PTPRM: variants seen among roughly 807,000 people sequenced by gnomAD.
PTPRM encodes receptor-type tyrosine-protein phosphatase mu.
In PTPRM, 47 loss-of-function variants were observed where a neutral mutation model predicts 186.7. The observed-to-expected ratio is 0.25, with a 90% CI of 0.20 to 0.32. The LOEUF is 0.32. PTPRM is among the 10% of genes least tolerant of loss of function. The probability of loss-of-function intolerance (pLI) is 1.00; values close to 1 mark genes in which losing one functional copy is unlikely to be tolerated. For synonymous variants in PTPRM, 668 were observed against 674.9 expected (o/e 0.99, Z 0.16); for missense variants, 1,494 against 1,865.0 (o/e 0.80, Z 3.66).
At chr18:8,114,734 CTATT>C in intron 12 of PTPRM, 53 bp from the exon 13 acceptor site, 2 of 1,378,064 alleles carry the variant, frequency 1.5e-6, no homozygotes, top group Non-Finnish European at 2.0e-6. Context: ...ACAGATATTT[CTATT>C]TGTCTTAAAG....
At chr18:8,400,768 A>G (rs547446846) in intron 32 of PTPRM, among the ~76,000 whole-genome samples, 1 of 152,282 alleles carries the variant, frequency 6.6e-6, no homozygotes, top group East Asian at 1.9e-4. Flanking sequence ...ACAAAATGCA[A>G]TGTGGTGTGG....
chr18:8,313,743 TCTC>T (rs574930719), intron 20 of PTPRM, among the ~76,000 whole-genome samples: 1 of 152,156 alleles, frequency 6.6e-6, no homozygotes, highest in South Asian at 2.1e-4. Context: ...CTTACCCCCT[TCTC>T]CCCCTTTCCC....
At chr18:8,204,862 G>T (rs2093906719) in intron 14 of PTPRM, among the ~76,000 whole-genome samples, 2 of 152,134 alleles carry the variant, frequency 1.3e-5, no homozygotes, top group African/African-American at 4.8e-5. Flanking sequence ...TCTCTAGTAT[G>T]TCAGGGTTTG....
At chr18:8,159,775 A>G (rs1317384075) in intron 14 of PTPRM, among the ~76,000 whole-genome samples, 2 of 152,232 alleles carry the variant, frequency 1.3e-5, no homozygotes, top group African/African-American at 4.8e-5. Context: ...CATAGAAGAC[A>G]TGGAGTATAC....
chr18:8,307,916 AG>A (rs765102526), intron 20 of PTPRM, among the ~76,000 whole-genome samples: 3 of 152,238 alleles, frequency 2.0e-5, no homozygotes, highest in Non-Finnish European at 2.9e-5. Context: ...GCCTAGCAAA[AG>A]AATTCACAGG....
intron 1 of PTPRM, among the ~76,000 whole-genome samples, chr18:7,736,879 A>G (rs571367486): frequency 5.3e-5 from 8 of 152,256 alleles, no homozygotes; most frequent in Admixed American, 3.3e-4. Flanking sequence ...GTTTTTTCTT[A>G]AAACAGGTAC....
At chr18:7,655,951 G>A (rs1339731197) in intron 1 of PTPRM, among the ~76,000 whole-genome samples, 1 of 152,142 alleles carries the variant, frequency 6.6e-6, no homozygotes, top group African/African-American at 2.4e-5. Flanking sequence ...TGCAGAGAAA[G>A]CAGAACCCTT....
At chr18:8,150,033 C>T (rs939314540) in intron 14 of PTPRM, among the ~76,000 whole-genome samples, 2 of 152,208 alleles carry the variant, frequency 1.3e-5, no homozygotes, top group Non-Finnish European at 2.9e-5. Context: ...GTCTGAGGGG[C>T]TTCCCTTGTG....
At position 8,277,564 on chromosome 18, in the gene PTPRM, G is replaced by T. The variant is rs184575299; in HGVS notation, c.2755-18804G>T. Among the ~76,000 whole-genome samples, 11 of 152,358 alleles carry T rather than the reference G, an allele frequency of 7.2e-5. No homozygotes were observed. The East Asian group carries it at 1.9e-3, about 27-fold the overall frequency. On this transcript the variant is annotated intron_variant, in intron 19 of 32. Coordinates refer to ENST00000580170, the MANE Select transcript of PTPRM (RefSeq NM_001105244.2). ...AAAGGAGCAGTGGAGAAGAGATACT[G>T]AAATTCTTTGTCAATGGTTGATATA... is the stretch of plus-strand genomic sequence containing the variant.
chr18:7,692,464 G>C (rs75547147), intron 1 of PTPRM, among the ~76,000 whole-genome samples: 2,965 of 152,292 alleles, frequency 0.019, 43 homozygotes, highest in Non-Finnish European at 0.029. Flanking sequence ...CTGGGTGACA[G>C]TATGAAACCT....
chr18:8,029,446 C>T (rs2085808433), intron 7 of PTPRM, among the ~76,000 whole-genome samples: 1 of 152,114 alleles, frequency 6.6e-6, no homozygotes, highest in Non-Finnish European at 1.5e-5. Flanking sequence ...CCACACCTGT[C>T]CTGCCTGGAG....
chr18:7,885,379 C>G (rs888656555), intron 2 of PTPRM, among the ~76,000 whole-genome samples: 1 of 152,122 alleles, frequency 6.6e-6, no homozygotes, highest in Non-Finnish European at 1.5e-5. Flanking sequence ...AACCACCAAA[C>G]CCCCCTTCTT....
chr18:8,024,834 C>G (rs904544736), intron 7 of PTPRM, among the ~76,000 whole-genome samples: 3 of 151,902 alleles, frequency 2.0e-5, no homozygotes, highest in Non-Finnish European at 4.4e-5. Flanking sequence ...CAGATGCATG[C>G]CACCACTTCT....
chr18:8,244,495 T>C (rs763785029), intron 15 of PTPRM, among the ~76,000 whole-genome samples: 31 of 152,320 alleles, frequency 2.0e-4, no homozygotes, highest in South Asian at 1.9e-3. Context: ...AGAAGGCACC[T>C]GCTTCTCATC....
At chr18:7,952,187 T>G (rs1289906903) in intron 6 of PTPRM, among the ~76,000 whole-genome samples, 5 of 152,266 alleles carry the variant, frequency 3.3e-5, no homozygotes, top group Non-Finnish European at 5.9e-5. Flanking sequence ...ATTGATGTAT[T>G]AGGCATTTAC....
At chr18:7,677,898 G>A (rs1035166737) in intron 1 of PTPRM, among the ~76,000 whole-genome samples, 2 of 152,068 alleles carry the variant, frequency 1.3e-5, no homozygotes, top group Non-Finnish European at 2.9e-5. Flanking sequence ...TATCCTATTA[G>A]ATATCTGTTT....
rs770501471 is a variant in PTPRM, at chr18:8,247,924, CAGTT to C, written c.2527+6_2527+9del. 5.7e-6 allele frequency: 9 copies of C among 1,568,818 alleles called. No individual in the cohort carries two copies. Among genetic ancestry groups the C allele is most frequent in the Non-Finnish European group, 7.9e-6 (9 of 1,138,756 alleles). ...TGCCTAATTCCTATTACCCAGGTAA[CAGTT>C]TTTTCCATTGTCTCCTCTCTGCTCT... On this transcript the variant is annotated splice_donor_region_variant and intron_variant, in intron 16 of 32. Transcript: ENST00000580170.
chr18:7,931,773 G>A (rs1394119709), intron 5 of PTPRM, among the ~76,000 whole-genome samples: 2 of 152,236 alleles, frequency 1.3e-5, no homozygotes, highest in African/African-American at 4.8e-5. Flanking sequence ...TTTAAGCTAT[G>A]TATGGTTGTA....
intron 1 of PTPRM, among the ~76,000 whole-genome samples, chr18:7,705,883 G>C (rs1450749039): frequency 1.3e-5 from 2 of 150,738 alleles, no homozygotes; most frequent in Non-Finnish European, 3.0e-5. Flanking sequence ...AAGTCCACTA[G>C]ATAGTTTTCA....
Sources: gnomAD v4.1 joint callset for allele counts (sites outside exome capture counted in the v4.1 genomes callset) on GRCh38, gnomAD v4.1.1 for gene constraint, MANE v1.5 for transcripts, NCBI Gene and HGNC (gene_info 2026-07-23, HGNC 2026-07-21) for gene names.